Variants in FRMPD4 observed in about 807,000 individuals in gnomAD.
The protein encoded by FRMPD4 is FERM and PDZ domain-containing protein 4.
Under a neutral mutation model 94.1 loss-of-function variants are expected in FRMPD4, and 22 were observed. The ratio of observed to expected loss-of-function variants is 0.23; its 90% CI spans 0.17 to 0.33. The LOEUF (loss-of-function observed/expected upper bound fraction) is 0.33. FRMPD4 is among the 10% of genes least tolerant of loss of function. FRMPD4 has a pLI of 1.00. For synonymous variants in FRMPD4, 631 were observed against 548.6 expected, an observed-to-expected ratio of 1.15 and a Z score of -2.10; for missense variants, 1,111 against 1,339.9, an observed-to-expected ratio of 0.83 and a Z score of 2.67.
intron 1 of FRMPD4, among the ~76,000 whole-genome samples, chrX:12,206,437 A>G (rs1174699076): frequency 8.9e-6 from 1 of 111,882 alleles, no homozygotes; most frequent in Non-Finnish European, 1.9e-5. Flanking sequence ...TGTAGAATCT[A>G]AAGATGACAC....
chrX:12,059,928 T>C (rs2054875713), intron 3 of FRMPD4, among the ~76,000 whole-genome samples: 3 of 111,487 alleles, frequency 2.7e-5, no homozygotes, highest in Admixed American at 9.6e-5. Flanking sequence ...TGAGTGTATG[T>C]GTGTTTTTGG....
At chrX:12,045,030 C>T (rs1034843823) in intron 3 of FRMPD4, among the ~76,000 whole-genome samples, 1 of 111,945 alleles carries the variant, frequency 8.9e-6, no homozygotes, top group Admixed American at 9.5e-5. Context: ...CACAATCTAA[C>T]GATGTCTTTT....
intron 3 of FRMPD4, among the ~76,000 whole-genome samples, chrX:11,972,924 C>T (rs918296710): frequency 5.4e-5 from 6 of 111,718 alleles, no homozygotes; most frequent in African/African-American, 2.0e-4. Context: ...ACATTTTGGC[C>T]CATAGAAGCT....
At chrX:12,666,101 CAAA>C (rs59803800) in intron 4 of FRMPD4, among the ~76,000 whole-genome samples, 3 of 89,049 alleles carry the variant, frequency 3.4e-5, no homozygotes, top group Admixed American at 1.3e-4. Context: ...AAATGGAAAG[CAAA>C]AAAAAAAAAA....
chrX:12,448,337 C>T (rs1238986924), intron 1 of FRMPD4, among the ~76,000 whole-genome samples: 2 of 111,954 alleles, frequency 1.8e-5, no homozygotes, highest in Non-Finnish European at 3.8e-5. Flanking sequence ...AAGAGGATCA[C>T]AGGATTTGAG....
At chrX:12,041,363 T>C (rs2054753789) in intron 3 of FRMPD4, among the ~76,000 whole-genome samples, 1 of 112,303 alleles carries the variant, frequency 8.9e-6, no homozygotes, top group African/African-American at 3.2e-5. Flanking sequence ...TAGCAACAGA[T>C]TCTGTAAGTC....
intron 2 of FRMPD4, among the ~76,000 whole-genome samples, chrX:12,576,294 T>A (rs1049481596): frequency 6.2e-5 from 7 of 112,776 alleles, no homozygotes; most frequent in Non-Finnish European, 1.3e-4. Flanking sequence ...ACATTTTTAA[T>A]GAAACTAAAA....
intron 3 of FRMPD4, among the ~76,000 whole-genome samples, chrX:12,109,904 G>T (rs774972386): frequency 9.0e-6 from 1 of 111,596 alleles, no homozygotes; most frequent in East Asian, 2.8e-4. Context: ...CCAATAACAG[G>T]CTCTGAAATT....
At chrX:12,680,751 C>T (rs185055984) in intron 5 of FRMPD4, among the ~76,000 whole-genome samples, 3 of 111,256 alleles carry the variant, frequency 2.7e-5, no homozygotes, top group East Asian at 2.8e-4. Context: ...ATTATTGCAT[C>T]GTAAATAAAT....
chrX:12,452,707 T>C (rs2057286783), intron 1 of FRMPD4, among the ~76,000 whole-genome samples: 2 of 112,601 alleles, frequency 1.8e-5, no homozygotes, highest in South Asian at 7.4e-4. Context: ...ACATGTTATG[T>C]CCTCTCATAA....
chrX:12,652,196 C>T (rs751584400), intron 4 of FRMPD4, among the ~76,000 whole-genome samples: 38 of 112,021 alleles, frequency 3.4e-4, no homozygotes, highest in African/African-American at 1.1e-3. Flanking sequence ...TGAATCCTCC[C>T]CGTCTTCTTC....
At chrX:12,331,692 A>AG (rs1569234011) in intron 1 of FRMPD4, among the ~76,000 whole-genome samples, 1 of 63,826 alleles carries the variant, frequency 1.6e-5, no homozygotes, top group African/African-American at 9.3e-5. Context: ...TATTTATATA[A>AG]TATATAAATA....
At chrX:12,176,587 C>T (rs975967899) in intron 1 of FRMPD4, among the ~76,000 whole-genome samples, 1 of 112,085 alleles carries the variant, frequency 8.9e-6, no homozygotes, top group Non-Finnish European at 1.9e-5. Flanking sequence ...AATATGTTTG[C>T]AATAATTTTC....
At chrX:12,160,035 T>C (rs1005753417) in intron 1 of FRMPD4, among the ~76,000 whole-genome samples, 3 of 108,731 alleles carry the variant, frequency 2.8e-5, no homozygotes, top group African/African-American at 1.0e-4. Flanking sequence ...TCCTAACACA[T>C]GCTGTGAACT....
intron 1 of FRMPD4, among the ~76,000 whole-genome samples, chrX:12,342,720 A>G (rs2055635697): frequency 8.9e-6 from 1 of 112,529 alleles, no homozygotes; most frequent in East Asian, 2.8e-4. Context: ...GTTAAGGGTC[A>G]CTTTATAGAG....
intron 1 of FRMPD4, among the ~76,000 whole-genome samples, chrX:12,230,741 A>T (rs754230075): frequency 3.8e-5 from 4 of 104,468 alleles, no homozygotes; most frequent in African/African-American, 7.0e-5. Context: ...ATTTAAATGA[A>T]ATTTCTAGTT....
intron 1 of FRMPD4, among the ~76,000 whole-genome samples, chrX:12,376,564 A>C: frequency 8.9e-6 from 1 of 112,115 alleles, no homozygotes; most frequent in Non-Finnish European, 1.9e-5. Flanking sequence ...TTTCCCATTG[A>C]CTCCTACGAT....
intron 2 of FRMPD4, among the ~76,000 whole-genome samples, chrX:11,865,714 G>A (rs1392845736): frequency 3.6e-5 from 4 of 111,872 alleles, no homozygotes; most frequent in Non-Finnish European, 7.5e-5. Flanking sequence ...CTCTTAACTA[G>A]GGCAGAATAT....
chrX:12,171,907 C>G (rs1224629564), intron 1 of FRMPD4, among the ~76,000 whole-genome samples: 2 of 110,977 alleles, frequency 1.8e-5, no homozygotes, highest in Non-Finnish European at 3.8e-5. Context: ...CCCCAGAGGT[C>G]CCTCTCTGCT....
Sources: gnomAD v4.1 joint callset for allele counts (sites outside exome capture counted in the v4.1 genomes callset) on GRCh38, gnomAD v4.1.1 for gene constraint, MANE v1.5 for transcripts, NCBI Gene and HGNC (gene_info 2026-07-23, HGNC 2026-07-21) for gene names.